Variants in KANSL1 observed in about 807,000 individuals in gnomAD.
KANSL1 encodes the protein MLL1/MLL complex subunit KANSL1.
A neutral mutation model predicts 103.6 loss-of-function variants in KANSL1; 22 were observed. That is an observed-to-expected ratio of 0.21 (90% CI 0.15 to 0.30). The LOEUF is 0.30. Among genes scored for constraint, KANSL1 ranks in the 10% least tolerant of loss-of-function variants. The pLI, the probability that KANSL1 is intolerant of heterozygous loss-of-function variation, is 1.00. For synonymous variants in KANSL1, 600 were observed against 527.6 expected, an observed-to-expected ratio of 1.14 and a Z score of -1.88; for missense variants, 1,337 against 1,399.8, an observed-to-expected ratio of 0.96 and a Z score of 0.72.
intron 1 of KANSL1, among the ~76,000 whole-genome samples, chr17:46,220,342 A>G (rs1202624096): frequency 6.6e-6 from 1 of 151,256 alleles, no homozygotes; most frequent in Non-Finnish European, 1.5e-5. Context: ...TCAGCCTCCC[A>G]AGTAGCTGCA....
chr17:46,135,033 T>C (rs2044056806), intron 2 of KANSL1, among the ~76,000 whole-genome samples: 1 of 152,200 alleles, frequency 6.6e-6, no homozygotes, highest in Non-Finnish European at 1.5e-5. Flanking sequence ...CTTATGGGTC[T>C]GGGTCTACCT....
chr17:46,040,057 T>TGCAA (rs2077266782), intron 7 of KANSL1, 173 bp from the exon 8 acceptor site: 1 of 528,322 alleles, frequency 1.9e-6, no homozygotes, highest in Non-Finnish European at 3.3e-6. Context: ...TTCTTCTATT[T>TGCAA]GCAAGCAGGT....
At chr17:46,207,353 T>C (rs1375970348) in intron 1 of KANSL1, among the ~76,000 whole-genome samples, 1 of 151,786 alleles carries the variant, frequency 6.6e-6, no homozygotes, top group South Asian at 2.1e-4. Context: ...CTACTAAAAA[T>C]ACAAAAATTA....
chr17:46,108,074 C>T (rs2042647553), intron 2 of KANSL1, among the ~76,000 whole-genome samples: 1 of 152,198 alleles, frequency 6.6e-6, no homozygotes, highest in Admixed American at 6.5e-5. Context: ...TTATCATGAA[C>T]ATAGCAGCCA....
At chr17:46,111,523 A>G (rs1393110567) in intron 2 of KANSL1, among the ~76,000 whole-genome samples, 2 of 152,166 alleles carry the variant, frequency 1.3e-5, no homozygotes, top group Non-Finnish European at 2.9e-5. Context: ...AGAGAATATT[A>G]AGGAAGACTC....
At chr17:46,056,050 G>A (rs952205954) in intron 6 of KANSL1, among the ~76,000 whole-genome samples, 3 of 152,154 alleles carry the variant, frequency 2.0e-5, no homozygotes, top group Non-Finnish European at 4.4e-5. Context: ...CCAGGCTAGA[G>A]TGCAATGGTG....
intron 10 of KANSL1, chr17:46,035,776 A>G (rs565134195): frequency 6.6e-6 from 1 of 152,282 alleles, no homozygotes; most frequent in East Asian, 1.9e-4. Flanking sequence ...ACAGGTATAC[A>G]CTTTCCCTGA....
rs1380199001 is a variant in KANSL1 at position 46,133,908 on chromosome 17, GT to G, written c.1289+36946del. ...TATATTGGTTCAAGGAGAGATGATGGTGGCTGTGGAGATGAGTGAAATCAAC... is the reference window on the plus strand; with the variant it reads ...TATATTGGTTCAAGGAGAGATGATGGGGCTGTGGAGATGAGTGAAATCAAC... On this transcript the variant is annotated intron_variant, in intron 2 of 14. Transcript: ENST00000432791. Among the ~76,000 whole-genome samples, 4 of 152,310 alleles carry G rather than the reference GT, an allele frequency of 2.6e-5. No individual in the cohort carries two copies. In the East Asian group the frequency reaches 7.7e-4, roughly 29 times the overall value.
chr17:46,089,914 A>C (rs562829373), intron 3 of KANSL1, among the ~76,000 whole-genome samples: 66 of 152,238 alleles, frequency 4.3e-4, no homozygotes, highest in Non-Finnish European at 8.8e-4. Context: ...ATGCATGTGA[A>C]TATATCATTG....
chr17:46,198,422 T>TA (rs58312564), upstream of KANSL1, among the ~76,000 whole-genome samples: 10,259 of 95,740 alleles, frequency 0.11, 1,067 homozygotes, highest in East Asian at 0.23. Context: ...CTACTTTAAT[T>TA]AAAAAAAAAA....
At chr17:46,060,834 G>A (rs2078131601) in intron 6 of KANSL1, among the ~76,000 whole-genome samples, 1 of 152,116 alleles carries the variant, frequency 6.6e-6, no homozygotes, top group Admixed American at 6.6e-5. Context: ...GTACAAAAAT[G>A]TCACTCTTCA....
chr17:46,130,459 T>TG (rs150705626), intron 2 of KANSL1, among the ~76,000 whole-genome samples: 4 of 152,178 alleles, frequency 2.6e-5, no homozygotes, highest in Admixed American at 2.6e-4. Context: ...TGTTAACACG[T>TG]GGGGGTCACA....
chr17:46,082,661 T>C (rs1270584409), intron 3 of KANSL1, 119 bp from the exon 4 acceptor site: 8 of 529,778 alleles, frequency 1.5e-5, no homozygotes. Context: ...CCTCACCCTA[T>C]GGTTCAGAAA....
chr17:46,083,532 G>A (rs1286561927), intron 3 of KANSL1, among the ~76,000 whole-genome samples: 2 of 152,128 alleles, frequency 1.3e-5, no homozygotes, highest in African/African-American at 4.8e-5. Context: ...TATGGGGGAA[G>A]GGAGGCAGGA....
chr17:46,118,104 G>C (rs578204208), intron 2 of KANSL1, among the ~76,000 whole-genome samples: 2 of 152,084 alleles, frequency 1.3e-5, no homozygotes, highest in African/African-American at 4.8e-5. Context: ...TTTAACCTAA[G>C]GTAATAATCT....
chr17:46,135,025 TA>T (rs1434139750), intron 2 of KANSL1, among the ~76,000 whole-genome samples: 1 of 152,148 alleles, frequency 6.6e-6, no homozygotes, highest in Non-Finnish European at 1.5e-5. Flanking sequence ...GCTGTCCCCT[TA>T]TGGGTCTGGG....
chr17:46,173,344 C>A (rs531183747), intron 1 of KANSL1, among the ~76,000 whole-genome samples: 2 of 152,360 alleles, frequency 1.3e-5, no homozygotes, highest in South Asian at 4.1e-4. Context: ...TCAGAATTCA[C>A]TTTCTCCTTC....
chr17:46,188,995 T>C (rs1406679655), intron 1 of KANSL1, among the ~76,000 whole-genome samples: 1 of 122,680 alleles, frequency 8.2e-6, no homozygotes, highest in Non-Finnish European at 1.6e-5. Context: ...ATCGCGCCAC[T>C]GCACTCCAGC....
rs753216239 is a variant in KANSL1, at chr17:46,171,357, A to G, written c.787T>C (p.Leu263=). ...GACAGGGGAGACTTTTTACCCTCCA[A>G]TTTGACACCCCCCAAGTTAGAGCTG... is the stretch of plus-strand genomic sequence containing the variant. ...DSSSNLGGVK[L]EGKKSPLSSI... Residue 263 remains leucine (L), a synonymous_variant, in exon 2 of 15, where the codon TTG becomes CTG. Coordinates refer to ENST00000432791, the MANE Select transcript of KANSL1 (RefSeq NM_015443.4). 3 of 1,614,160 alleles carry G rather than the reference A, an allele frequency of 1.9e-6. No individual in the cohort carries two copies. Among genetic ancestry groups the G allele is most frequent in the Non-Finnish European group, 2.5e-6 (3 of 1,180,046 alleles).
Sources: gnomAD v4.1 joint callset for allele counts (sites outside exome capture counted in the v4.1 genomes callset) on GRCh38, gnomAD v4.1.1 for gene constraint, MANE v1.5 for transcripts, NCBI Gene and HGNC (gene_info 2026-07-23, HGNC 2026-07-21) for gene names.